PCDH15: variants seen among roughly 807,000 people sequenced by gnomAD.
PCDH15 encodes protocadherin-15.
In PCDH15, 129 loss-of-function variants were observed where a neutral mutation model predicts 178.5. The observed-to-expected ratio is 0.72, with a 90% CI of 0.63 to 0.84. PCDH15 has a LOEUF of 0.84. PCDH15 is among the 40% of genes least tolerant of loss of function. PCDH15 has a pLI of 0.00. For missense variants in PCDH15, 2,230 were observed against 2,099.9 expected, an observed-to-expected ratio of 1.06 and a Z score of -1.21; for synonymous variants, 800 against 732.0, an observed-to-expected ratio of 1.09 and a Z score of -1.50.
intron 2 of PCDH15, among the ~76,000 whole-genome samples, chr10:54,589,699 C>A (rs919251633): frequency 6.6e-6 from 1 of 152,070 alleles, no homozygotes; most frequent in African/African-American, 2.4e-5. Flanking sequence ...CTCCCGGGTT[C>A]ACACCATTCT....
At chr10:53,831,040 G>T in intron 30 of PCDH15, 1 of 636,760 alleles carries the variant, frequency 1.6e-6, no homozygotes, top group African/African-American at 1.8e-5. Context: ...CAAAAGAAGA[G>T]CATAAACAAA....
Position 54,013,261 on chromosome 10 carries a change from CA to C in PCDH15, c.2751+6930del, listed in dbSNP as rs2092644998. Among the ~76,000 whole-genome samples, 5 of 152,290 alleles carry C rather than the reference CA, an allele frequency of 3.3e-5. No homozygotes were observed. The South Asian group carries it at 1.0e-3, about 32-fold the overall frequency. On this transcript the variant is annotated intron_variant, in intron 20 of 37. Coordinates refer to ENST00000644397, the MANE Select transcript of PCDH15 (RefSeq NM_001384140.1). ...CACAGGAGCACCCAGATTCATAAAG[CA>C]AGTTCTTACAGACCTACAAAGAGAC...
At chr10:53,818,200 C>A (rs995936576) in intron 33 of PCDH15, 187 bp from the exon 34 acceptor site, 1 of 378,302 alleles carries the variant, frequency 2.6e-6, no homozygotes, top group Non-Finnish European at 4.7e-6. Context: ...TGGTTTCACA[C>A]CTGAATTACT....
intron 2 of PCDH15, among the ~76,000 whole-genome samples, chr10:55,355,102 T>C (rs1297462777): frequency 2.0e-5 from 3 of 152,058 alleles, no homozygotes; most frequent in Non-Finnish European, 4.4e-5. Context: ...TTTTTATTTC[T>C]GGGTAGTATT....
intron 1 of PCDH15, among the ~76,000 whole-genome samples, chr10:55,306,918 A>G (rs1843439744): frequency 6.6e-6 from 1 of 152,126 alleles, no homozygotes; most frequent in Non-Finnish European, 1.5e-5. Flanking sequence ...ACGTGGGAAA[A>G]GTGTAGATCT....
intron 2 of PCDH15, among the ~76,000 whole-genome samples, chr10:54,991,704 T>C (rs569294869): frequency 6.6e-6 from 1 of 152,268 alleles, no homozygotes; most frequent in South Asian, 2.1e-4. Context: ...TAGGGATAAA[T>C]GGCAAAAGTT....
At chr10:54,469,040 G>A (rs1036870199) in intron 3 of PCDH15, among the ~76,000 whole-genome samples, 2 of 151,950 alleles carry the variant, frequency 1.3e-5, no homozygotes, top group Non-Finnish European at 2.9e-5. Flanking sequence ...TTCTTTACAG[G>A]TGAGATGTGT....
intron 2 of PCDH15, among the ~76,000 whole-genome samples, chr10:55,541,870 C>A (rs1335531565): frequency 6.6e-6 from 1 of 151,758 alleles, no homozygotes; most frequent in Non-Finnish European, 1.5e-5. Context: ...TCAGAAGCAG[C>A]GATTTGTGAT....
At chr10:54,088,221 CCTTT>C (rs769405166) in intron 16 of PCDH15, among the ~76,000 whole-genome samples, 12 of 152,242 alleles carry the variant, frequency 7.9e-5, no homozygotes, top group Admixed American at 2.0e-4. Flanking sequence ...CCTGGTTTTG[CCTTT>C]CTTTATCACT....
chr10:54,558,032 C>T (rs778440167), intron 2 of PCDH15, among the ~76,000 whole-genome samples: 4 of 151,902 alleles, frequency 2.6e-5, no homozygotes, highest in African/African-American at 4.8e-5. Context: ...AAAACAAAAA[C>T]AAACAAACAA....
At chr10:54,337,951 C>A (rs1941511495) in intron 6 of PCDH15, among the ~76,000 whole-genome samples, 2 of 152,172 alleles carry the variant, frequency 1.3e-5, no homozygotes, top group South Asian at 4.1e-4. Context: ...GAAAACTGTT[C>A]ACTGAAATAA....
intron 4 of PCDH15, 43 bp from the exon 5 acceptor site, chr10:54,369,318 C>A (rs1372841449): frequency 6.4e-7 from 1 of 1,573,494 alleles, no homozygotes. Context: ...TAATTAAAAA[C>A]AAAGCTTCTC....
intron 2 of PCDH15, among the ~76,000 whole-genome samples, chr10:55,573,058 T>A (rs1450459981): frequency 6.6e-6 from 1 of 152,084 alleles, no homozygotes. Flanking sequence ...TAAAGAGGCA[T>A]AAGTGGAAAA....
chr10:54,687,966 A>G (rs1455327551), intron 1 of PCDH15, among the ~76,000 whole-genome samples: 1 of 152,112 alleles, frequency 6.6e-6, no homozygotes, highest in Admixed American at 6.6e-5. Context: ...GCCAAACAAC[A>G]TTATGTCTAT....
intron 2 of PCDH15, among the ~76,000 whole-genome samples, chr10:55,625,845 T>C (rs1015084642): frequency 2.6e-5 from 4 of 152,122 alleles, no homozygotes; most frequent in Admixed American, 2.6e-4. Context: ...GTCCTAATTC[T>C]CCTTAAGTAC....
chr10:54,399,749 G>A (rs977956446), intron 3 of PCDH15, among the ~76,000 whole-genome samples: 3 of 152,018 alleles, frequency 2.0e-5, no homozygotes, highest in Admixed American at 1.3e-4. Flanking sequence ...GCAGTAAGAC[G>A]CTGGGCTGTG....
At chr10:55,016,143 A>G (rs1840174241) in intron 2 of PCDH15, among the ~76,000 whole-genome samples, 1 of 149,562 alleles carries the variant, frequency 6.7e-6, no homozygotes, top group Admixed American at 6.7e-5. Context: ...AACTAGGTGT[A>G]TATATTTGTG....
rs1393653767 is a variant in PCDH15, at chr10:53,940,862, T to G, written c.3232+4A>C. 1.3e-6 allele frequency: 2 copies of G among 1,599,980 alleles called. No homozygotes were observed. The highest frequency in any genetic ancestry group is 1.7e-6 in the Non-Finnish European group (2 of 1,167,348). ...GTGAGAACACAAACTAAAAGTCTAC[T>G]CACCTTCTTCATTTCCTGAAACAAT... On this transcript the variant is annotated splice_donor_region_variant and intron_variant, in intron 24 of 37. Coordinates refer to ENST00000644397, the MANE Select transcript of PCDH15 (RefSeq NM_001384140.1).
intron 2 of PCDH15, among the ~76,000 whole-genome samples, chr10:54,977,843 C>T (rs1415337824): frequency 6.6e-6 from 1 of 152,068 alleles, no homozygotes; most frequent in Admixed American, 6.6e-5. Flanking sequence ...TTGTATTTAT[C>T]ATAAAGATAT....
Sources: allele counts gnomAD v4.1 joint callset (sites outside exome capture counted in the v4.1 genomes callset), GRCh38; gene constraint gnomAD v4.1.1; transcripts MANE v1.5; gene names NCBI Gene and HGNC (gene_info 2026-07-23, HGNC 2026-07-21).